Variants in RXFP2 observed in about 807,000 individuals in gnomAD.
The protein encoded by RXFP2 is relaxin family peptide receptor 2, also known as relaxin receptor 2.
In RXFP2, 68 loss-of-function variants were observed where a neutral mutation model predicts 88.6. The ratio of observed to expected loss-of-function variants is 0.77; its 90% CI spans 0.63 to 0.94. The LOEUF is 0.94. RXFP2 is among the 40% of genes least tolerant of loss of function. The pLI, the probability that RXFP2 is intolerant of heterozygous loss-of-function variation, is 0.00. For synonymous variants in RXFP2, 329 were observed against 306.8 expected (o/e 1.07, Z -0.76); for missense variants, 791 against 893.9 (o/e 0.88, Z 1.47).
intron 7 of RXFP2, among the ~76,000 whole-genome samples, chr13:31,776,089 T>C (rs5007806): frequency 0.088 from 10,728 of 121,932 alleles, 845 homozygotes; most frequent in South Asian, 0.15. Flanking sequence ...TCCTTCCTTC[T>C]TTCTTTCTTT....
intron 16 of RXFP2, among the ~76,000 whole-genome samples, chr13:31,796,860 A>G (rs1874074987): frequency 6.6e-6 from 1 of 152,230 alleles, no homozygotes; most frequent in African/African-American, 2.4e-5. Flanking sequence ...TTGAGCATCA[A>G]CATGATGCCA....
intron 5 of RXFP2, among the ~76,000 whole-genome samples, chr13:31,768,712 C>T (rs1872637717): frequency 6.6e-6 from 1 of 152,176 alleles, no homozygotes; most frequent in Non-Finnish European, 1.5e-5. Context: ...CCTAGAGCAG[C>T]TCATAAGCTC....
intron 5 of RXFP2, among the ~76,000 whole-genome samples, chr13:31,766,620 T>G (rs1379189311): frequency 6.6e-6 from 1 of 152,124 alleles, no homozygotes; most frequent in Non-Finnish European, 1.5e-5. Flanking sequence ...CTAGAGATGA[T>G]CTCTCTTGGA....
rs1029385576 is a variant in RXFP2, at chr13:31,786,569, C to A, written c.1005C>A (p.Asn335Lys). 1.3e-6 allele frequency: 2 copies of A among 1,552,860 alleles called. No individual in the cohort carries two copies. The highest frequency in any genetic ancestry group is 1.4e-5 in the African/African-American group (1 of 72,220). The change falls in exon 13 of 18, where the codon AAC becomes AAA. Residue 335 changes from asparagine (N) to lysine (K), a missense_variant. Transcript: ENST00000298386. ...CATCTAATGGTAAAAAAAAAAGGAA[C>A]CTGTCATCCAATCCTCTTATGTATC... ...FKDLKLLQKL[N>K]LSSNPLMYLH...
intron 15 of RXFP2, 34 bp downstream of exon 15, chr13:31,792,069 T>C (rs1219582867): frequency 1.4e-6 from 2 of 1,478,262 alleles, no homozygotes; most frequent in Non-Finnish European, 1.9e-6. Flanking sequence ...AGATTAAGGA[T>C]ATCTTCTGTG....
At chr13:31,760,426 C>T (rs1327347910) in intron 2 of RXFP2, among the ~76,000 whole-genome samples, 7 of 152,162 alleles carry the variant, frequency 4.6e-5, no homozygotes, top group Non-Finnish European at 2.9e-5. Flanking sequence ...ACAGGAACTC[C>T]TTGAGAAGAG....
chr13:31,796,808 T>C (rs1030739732), intron 16 of RXFP2, among the ~76,000 whole-genome samples: 7 of 152,236 alleles, frequency 4.6e-5, no homozygotes, highest in Non-Finnish European at 1.0e-4. Flanking sequence ...CATTTGTAAT[T>C]TGAAAATCCA....
chr13:31,782,813 G>T, intron 11 of RXFP2, 66 bp downstream of exon 11: 1 of 1,034,298 alleles, frequency 9.7e-7, no homozygotes, highest in Non-Finnish European at 1.5e-6. Flanking sequence ...TAAATGACTA[G>T]TGAGACTGCT....
chr13:31,772,693 C>T (rs1269996315), intron 5 of RXFP2, among the ~76,000 whole-genome samples: 3 of 152,296 alleles, frequency 2.0e-5, no homozygotes, highest in Non-Finnish European at 2.9e-5. Flanking sequence ...TATGGGGTGG[C>T]AACCAGCTAA....
chr13:31,755,977 G>T (rs1161226559), intron 1 of RXFP2, among the ~76,000 whole-genome samples: 1 of 152,150 alleles, frequency 6.6e-6, no homozygotes, highest in East Asian at 1.9e-4. Context: ...CAGCACACCC[G>T]GCTGACCCCA....
At chr13:31,781,322 A>G (rs1329520859) in intron 9 of RXFP2, among the ~76,000 whole-genome samples, 1 of 152,148 alleles carries the variant, frequency 6.6e-6, no homozygotes, top group Non-Finnish European at 1.5e-5. Flanking sequence ...TAATAGCAGC[A>G]ATTTGGCAGG....
At chr13:31,774,806 C>A in intron 6 of RXFP2, 115 bp downstream of exon 6, 1 of 722,100 alleles carries the variant, frequency 1.4e-6, no homozygotes, top group East Asian at 2.6e-5. Context: ...AATAGGTTAT[C>A]ACAAAGTACT....
chr13:31,742,389 C>A (rs1407098970), intron 1 of RXFP2, among the ~76,000 whole-genome samples: 1 of 152,160 alleles, frequency 6.6e-6, no homozygotes, highest in Non-Finnish European at 1.5e-5. Flanking sequence ...GGTTTTCCAT[C>A]TGAATTTTAA....
Position 31,781,703 on chromosome 13 carries a change from C to G in RXFP2, c.818C>G (p.Thr273Arg). The G allele has an allele frequency of 6.2e-7, 1 of 1,612,480 alleles. No homozygotes were observed. The highest frequency in any genetic ancestry group is 8.5e-7 in the Non-Finnish European group (1 of 1,178,930). The change falls in exon 10 of 18, where the codon ACA becomes AGA. Residue 273 changes from threonine (T) to arginine (R), a missense_variant. By Grantham distance (71) the Thr-to-Arg change is moderately conservative (BLOSUM62 -1). Transcript: ENST00000298386. ...GAAGGCAATAGAATAAAGTATCTCA[C>G]AAATTCTACGTTTCTGTCGTGCGAT... ...DLEGNRIKYL[T>R]NSTFLSCDSL...
At chr13:31,760,066 T>C (rs1417510226) in intron 2 of RXFP2, among the ~76,000 whole-genome samples, 1 of 148,992 alleles carries the variant, frequency 6.7e-6, no homozygotes, top group Non-Finnish European at 1.5e-5. Flanking sequence ...ATCTTTTCAG[T>C]GTTGTTGTTG....
At chr13:31,784,674 G>C (rs1873444285) in intron 11 of RXFP2, among the ~76,000 whole-genome samples, 2 of 152,048 alleles carry the variant, frequency 1.3e-5, no homozygotes, top group South Asian at 2.1e-4. Context: ...TCAGACTTTG[G>C]TGTCATGACA....
chr13:31,746,581 G>A (rs1191403173), intron 1 of RXFP2, among the ~76,000 whole-genome samples: 2 of 152,138 alleles, frequency 1.3e-5, no homozygotes, highest in Admixed American at 6.5e-5. Flanking sequence ...AAATGGCTAA[G>A]GAAGAATCTC....
intron 1 of RXFP2, among the ~76,000 whole-genome samples, chr13:31,757,844 G>A (rs1053721789): frequency 5.9e-5 from 9 of 152,068 alleles, no homozygotes; most frequent in African/African-American, 1.2e-4. Flanking sequence ...CTGTAATCCC[G>A]GCACTTTGGG....
chr13:31,757,313 C>T (rs1323410640), intron 1 of RXFP2, among the ~76,000 whole-genome samples: 1 of 152,190 alleles, frequency 6.6e-6, no homozygotes, highest in African/African-American at 2.4e-5. Flanking sequence ...TGTCACTTCC[C>T]AGACAAACCA....
Sources: gnomAD v4.1 joint callset for allele counts (sites outside exome capture counted in the v4.1 genomes callset) on GRCh38, gnomAD v4.1.1 for gene constraint, MANE v1.5 for transcripts, NCBI Gene and HGNC (gene_info 2026-07-23, HGNC 2026-07-21) for gene names.